The following PIN4 variants were observed in gnomAD, a reference collection of about 807,000 sequenced individuals.
PIN4 encodes peptidyl-prolyl cis-trans isomerase NIMA-interacting 4.
PIN4 carries 3 observed loss-of-function variants against 8.3 expected under a neutral mutation model. The observed-to-expected ratio is 0.36, with a 90% CI of 0.16 to 0.93. The LOEUF is 0.93. Among genes scored for constraint, PIN4 ranks in the 40% least tolerant of loss-of-function variants. PIN4 has a pLI of 0.44. For missense variants in PIN4, 75 were observed against 100.6 expected, an observed-to-expected ratio of 0.75 and a Z score of 1.09; for synonymous variants, 18 against 32.5, an observed-to-expected ratio of 0.55 and a Z score of 1.52.
chrX:72,242,834 T>C (rs1459237995), intron 3 of PIN4, among the ~76,000 whole-genome samples: 5 of 111,225 alleles, frequency 4.5e-5, no homozygotes, highest in Admixed American at 9.6e-5. Context: ...ACCAACATGG[T>C]GAAACCCCGT....
chrX:72,251,175 G>A (rs1357748276), intron 3 of PIN4, among the ~76,000 whole-genome samples: 9 of 104,498 alleles, frequency 8.6e-5, no homozygotes, highest in Non-Finnish European at 1.8e-4. Flanking sequence ...GGCTAACACA[G>A]TGAAACCCCG....
intron 2 of PIN4, among the ~76,000 whole-genome samples, chrX:72,192,392 A>G (rs1411234008): frequency 9.0e-6 from 1 of 111,385 alleles, no homozygotes; most frequent in African/African-American, 3.3e-5. Context: ...TGGCTTCTGC[A>G]CTTAAACTCT....
chrX:72,235,389 C>CTTTTTTT (rs144267277), intron 3 of PIN4, among the ~76,000 whole-genome samples: 1 of 68,568 alleles, frequency 1.5e-5, no homozygotes, highest in African/African-American at 6.8e-5. Flanking sequence ...CCCTCTTCCA[C>CTTTTTTT]TTTTTTTTTT....
At chrX:72,182,505 C>T (rs1838208753) in intron 1 of PIN4, among the ~76,000 whole-genome samples, 1 of 109,575 alleles carries the variant, frequency 9.1e-6, no homozygotes. Flanking sequence ...GATCGCGCCA[C>T]TGCACTCCAG....
At chrX:72,234,136 T>A (rs1268696046) in intron 3 of PIN4, among the ~76,000 whole-genome samples, 1 of 111,993 alleles carries the variant, frequency 8.9e-6, no homozygotes, top group Non-Finnish European at 1.9e-5. Flanking sequence ...ATGTTCTTTT[T>A]AAGGAATATA....
intron 1 of PIN4, 132 bp from the exon 2 acceptor site, chrX:72,186,329 G>A: frequency 1.9e-6 from 1 of 529,296 alleles, no homozygotes; most frequent in Non-Finnish European, 3.4e-6. Flanking sequence ...TACCCTTGTT[G>A]TAAAGTGTCT....
chrX:72,212,120 C>CA (rs2042858393), intron 3 of PIN4, among the ~76,000 whole-genome samples: 1 of 109,521 alleles, frequency 9.1e-6, no homozygotes, highest in Non-Finnish European at 1.9e-5. Flanking sequence ...ACTAAAAATA[C>CA]AAAAAAATTA....
intron 3 of PIN4, chrX:72,238,802 G>A (rs1227301942): frequency 8.8e-7 from 1 of 1,142,084 alleles, no homozygotes; most frequent in African/African-American, 1.8e-5. Context: ...TCCACCCTGG[G>A]CCAGGTCGGT....
chrX:72,217,840 C>T (rs1257029736), intron 3 of PIN4, among the ~76,000 whole-genome samples: 1 of 112,086 alleles, frequency 8.9e-6, no homozygotes, highest in Non-Finnish European at 1.9e-5. Context: ...GTGTAGAACT[C>T]TTGCTTCTAT....
At chrX:72,234,233 G>A (rs1479151907) in intron 3 of PIN4, among the ~76,000 whole-genome samples, 3 of 112,589 alleles carry the variant, frequency 2.7e-5, no homozygotes, top group African/African-American at 6.5e-5. Flanking sequence ...AGAATCTGAA[G>A]CAGCAGTCAG....
In PIN4 at chrX:72,191,482, C is replaced by T. The variant is rs866291238; in HGVS notation, c.117+4948C>T. Among the ~76,000 whole-genome samples the T allele has an allele frequency of 6.3e-5, 7 of 111,012 alleles. 1 individual carries two copies. Among genetic ancestry groups the T allele is most frequent in the African/African-American group, 2.0e-4 (6 of 30,390 alleles). On this transcript the variant is annotated intron_variant, in intron 2 of 3. Transcript: ENST00000373669. ...AGGAGAATCACTTGGACCCGAGAGG[C>T]GGAGGTTGCAGTGAGCTGAGATTGC...
chrX:72,207,743 C>G, intron 3 of PIN4: 1 of 1,211,547 alleles, frequency 8.3e-7, no homozygotes. Context: ...AGTCTGGCCT[C>G]TGGGTTGCTT....
rs181638528 is a variant in PIN4 at position 72,222,947 on chromosome X, C to G, written c.312+26043C>G. ...CTCACTGAAGCCATGCTAAAATATA[C>G]CAATCTGGATCCAGAATCTAGAGAA... On this transcript the variant is annotated intron_variant, in intron 3 of 3. Transcript: ENST00000423432. 1.0e-4 allele frequency among the ~76,000 whole-genome samples: 11 copies of G among 108,857 alleles called. No individual in the cohort carries two copies. The East Asian group carries it at 2.9e-3, about 29-fold the overall frequency. The allele number at this position is 108,857 out of a possible 115,157, so 94.5% of individuals were successfully genotyped here.
At chrX:72,233,987 T>A (rs1314746883) in intron 3 of PIN4, among the ~76,000 whole-genome samples, 1 of 109,066 alleles carries the variant, frequency 9.2e-6, no homozygotes, top group Non-Finnish European at 1.9e-5. Context: ...AGCAGGTGCC[T>A]GTAATCCCAG....
intron 3 of PIN4, among the ~76,000 whole-genome samples, chrX:72,261,296 GAAAAA>G (rs754002557): frequency 2.2e-5 from 1 of 46,025 alleles, no homozygotes; most frequent in Non-Finnish European, 4.2e-5. Flanking sequence ...CTCCGTCTCA[GAAAAA>G]AAAAAAAAAA....
chrX:72,234,380 G>C (rs2043004733), intron 3 of PIN4, among the ~76,000 whole-genome samples: 1 of 112,052 alleles, frequency 8.9e-6, no homozygotes, highest in African/African-American at 3.2e-5. Context: ...GTTGGATTTA[G>C]TTATATGAAT....
intron 3 of PIN4, among the ~76,000 whole-genome samples, chrX:72,261,298 A>AG (rs1306634687): frequency 1.4e-4 from 14 of 101,956 alleles, no homozygotes; most frequent in African/African-American, 5.5e-4. Context: ...CCGTCTCAGA[A>AG]AAAAAAAAAA....
At chrX:72,190,247 G>C (rs2042725172) in intron 2 of PIN4, among the ~76,000 whole-genome samples, 1 of 111,816 alleles carries the variant, frequency 8.9e-6, no homozygotes, top group African/African-American at 3.3e-5. Flanking sequence ...CCACCTCCCT[G>C]CTACTCAGGA....
In PIN4 at chrX:72,196,855, G is replaced by T; in HGVS notation, c.188G>T (p.Arg63Ile). The T allele has an allele frequency of 8.3e-7, 1 of 1,204,058 alleles. No individual in the cohort carries two copies. The highest frequency in any genetic ancestry group is 1.7e-5 in the African/African-American group (1 of 57,642). The change falls in exon 3 of 4, where the codon AGA becomes ATA. Residue 63 changes from arginine to isoleucine, a missense_variant. Transcript: ENST00000373669. ...EAMEKLKSGM[R>I]FNEVAAQYSE... ...ATGGAAAAGTTAAAGTCTGGGATGA[G>T]ATTCAATGAAGTGGCCGCACAGTAT...
Sources: gnomAD v4.1 joint callset for allele counts (sites outside exome capture counted in the v4.1 genomes callset) on GRCh38, gnomAD v4.1.1 for gene constraint, MANE v1.5 for transcripts, NCBI Gene and HGNC (gene_info 2026-07-23, HGNC 2026-07-21) for gene names.